The following QSER1 variants were observed in gnomAD, a reference collection of about 807,000 sequenced individuals.
QSER1 encodes glutamine and serine-rich protein 1.
Under a neutral mutation model 158.5 loss-of-function variants are expected in QSER1, and 49 were observed. The observed-to-expected ratio is 0.31, with a 90% CI of 0.25 to 0.39. The LOEUF is 0.39. Ranked by LOEUF, QSER1 falls within the 10% of genes least tolerant of loss-of-function variation. QSER1 has a pLI of 1.00. For synonymous variants in QSER1, 650 were observed against 715.5 expected (o/e 0.91, Z 1.46); for missense variants, 1,754 against 2,010.3 (o/e 0.87, Z 2.44).
chr11:32,970,466 G>A (rs1852831609), intron 10 of QSER1, among the ~76,000 whole-genome samples: 1 of 152,132 alleles, frequency 6.6e-6, no homozygotes, highest in Non-Finnish European at 1.5e-5. Flanking sequence ...GTCTAGTGGT[G>A]TGATCTCAGC....
rs1196656021 is a variant in QSER1 at position 32,944,048 on chromosome 11, A to G, written c.4177+8613A>G. On this transcript the variant is annotated intron_variant, in intron 4 of 12. Transcript: ENST00000650167. ...AGAGGTGTTTGTAGTATTCTCTGATAGTAGTTTGTATTTCTGTGGGATTGG... is the reference window on the plus strand; with the variant it reads ...AGAGGTGTTTGTAGTATTCTCTGATGGTAGTTTGTATTTCTGTGGGATTGG... Among the ~76,000 whole-genome samples, 24 of 151,882 alleles carry G rather than the reference A, an allele frequency of 1.6e-4. No homozygotes were observed. In the South Asian group the frequency reaches 1.9e-3, roughly 12 times the overall value.
intron 4 of QSER1, among the ~76,000 whole-genome samples, chr11:32,952,952 A>G (rs1184649915): frequency 6.6e-6 from 1 of 151,406 alleles, no homozygotes; most frequent in Non-Finnish European, 1.5e-5. Context: ...AAAGGCGCGC[A>G]CCACCACGCC....
chr11:32,942,550 C>T (rs1286410954), intron 4 of QSER1, among the ~76,000 whole-genome samples: 2 of 151,694 alleles, frequency 1.3e-5, no homozygotes, highest in East Asian at 1.9e-4. Flanking sequence ...TGTAGATGTG[C>T]GGCATTATTT....
chr11:32,903,469 C>T, intron 1 of QSER1, among the ~76,000 whole-genome samples: 1 of 150,644 alleles, frequency 6.6e-6, no homozygotes, highest in African/African-American at 2.5e-5. Context: ...GGAGGCGTTG[C>T]AGATTTACAA....
In QSER1 at chr11:32,935,473, C is replaced by A. The variant is rs771073602; in HGVS notation, c.4177+38C>A. 7.8e-6 allele frequency: 11 copies of A among 1,412,962 alleles called. No homozygotes were observed. The African/African-American group carries it at 1.6e-4, about 20-fold the overall frequency. 87.5% of individuals were successfully genotyped at this position (1,412,962 alleles called of 1,614,324 possible). On this transcript the variant is annotated intron_variant, in intron 4 of 12. Transcript: ENST00000650167. ...AATTTAGATTCATAATTATTACTTT[C>A]TTCTATTTTTCCAGCTATAGCCCAC...
intron 1 of QSER1, among the ~76,000 whole-genome samples, chr11:32,920,059 T>C (rs562861090): frequency 6.6e-6 from 1 of 152,340 alleles, no homozygotes; most frequent in African/African-American, 2.4e-5. Flanking sequence ...GAATCAGCCA[T>C]TTCTCCAAGG....
intron 1 of QSER1, among the ~76,000 whole-genome samples, chr11:32,906,512 C>T (rs1427847186): frequency 1.3e-5 from 2 of 152,126 alleles, no homozygotes; most frequent in Non-Finnish European, 2.9e-5. Flanking sequence ...GATCCTCCCA[C>T]CTCAGCCTCC....
At chr11:32,919,969 C>T (rs1342301527) in intron 1 of QSER1, among the ~76,000 whole-genome samples, 1 of 152,124 alleles carries the variant, frequency 6.6e-6, no homozygotes, top group African/African-American at 2.4e-5. Context: ...TTTCTGCCCC[C>T]TTTCTTTTTA....
intron 10 of QSER1, 133 bp from the exon 11 acceptor site, chr11:32,973,263 AG>A: frequency 1.2e-6 from 1 of 844,626 alleles, no homozygotes; most frequent in Non-Finnish European, 1.9e-6. Context: ...CTCTGCAAAT[AG>A]GTGTTTGTGT....
At chr11:32,955,903 G>T in intron 6 of QSER1, 85 bp from the exon 7 acceptor site, 1 of 1,262,676 alleles carries the variant, frequency 7.9e-7, no homozygotes, top group South Asian at 1.5e-5. Context: ...TTGAAGGTTG[G>T]CTATGGGATA....
chr11:32,928,142 A>C lies in QSER1; in HGVS notation c.484+19A>C. 6.8e-7 allele frequency: 1 copy of C among 1,479,490 alleles called. No individual in the cohort carries two copies. The highest frequency in any genetic ancestry group is 9.5e-7 in the Non-Finnish European group (1 of 1,057,902). 91.6% of individuals were successfully genotyped at this position (1,479,490 alleles called of 1,614,324 possible). A position where few individuals can be genotyped will look rare whatever the true frequency, so the allele number is the denominator to read the frequency against. On this transcript the variant is annotated intron_variant, in intron 3 of 12. Transcript: ENST00000650167. Reference sequence around the variant, plus strand: ...CAGACAGGTGATTTTCTGTTTCTAGAATTTTTAAGTCCTATAAAAATGCTG... The same window carrying C: ...CAGACAGGTGATTTTCTGTTTCTAGCATTTTTAAGTCCTATAAAAATGCTG...
At chr11:32,966,578 C>A in intron 9 of QSER1, 141 bp downstream of exon 9, 1 of 674,804 alleles carries the variant, frequency 1.5e-6, no homozygotes, top group Non-Finnish European at 2.2e-6. Context: ...CATCTTAATT[C>A]CATAAAATGG....
rs1375324241 is a variant in QSER1, at chr11:32,962,795, A to T, written c.4970-3505A>T. Among the ~76,000 whole-genome samples, 4 of 152,160 alleles carry T rather than the reference A, an allele frequency of 2.6e-5. No homozygotes were observed. The East Asian group carries it at 7.7e-4, about 29-fold the overall frequency. On this transcript the variant is annotated intron_variant, in intron 8 of 12. Coordinates refer to ENST00000650167, the MANE Select transcript of QSER1 (RefSeq NM_001076786.3). ...ACTCTAATTTTCACTTGAAATCTCA[A>T]ATTTTATCATTGGCAACAAATACCA...
chr11:32,966,488 A>C, intron 9 of QSER1, 51 bp downstream of exon 9: 1 of 1,555,468 alleles, frequency 6.4e-7, no homozygotes, highest in Non-Finnish European at 8.7e-7. Context: ...GGAATTAAAA[A>C]AAGAAATCTT....
chr11:32,956,502 TATTG>T (rs1406249463), intron 7 of QSER1, among the ~76,000 whole-genome samples: 2 of 151,152 alleles, frequency 1.3e-5, no homozygotes, highest in South Asian at 4.1e-4. Flanking sequence ...TTAAAATAAT[TATTG>T]ATAAAAAAAC....
In QSER1 at chr11:32,933,651, T is replaced by A; in HGVS notation, c.2393T>A (p.Ile798Lys). The A allele has an allele frequency of 6.2e-7, 1 of 1,613,562 alleles. No homozygotes were observed. The highest frequency in any genetic ancestry group is 8.5e-7 in the Non-Finnish European group (1 of 1,179,804). Residue 798 changes from isoleucine (I) to lysine (K), a missense_variant, in exon 4 of 13, where the codon ATA becomes AAA. Coordinates refer to ENST00000650167, the MANE Select transcript of QSER1 (RefSeq NM_001076786.3). ...ACTAATTTAATACAGACTCCACAAA[T>A]AAGGTTGAATACTAAAGACTTAAAG... ...NSTNLIQTPQIRLNTKDLKQQ... is the reference protein window; with the variant it reads ...NSTNLIQTPQKRLNTKDLKQQ...
rs375985842 is a variant in QSER1 at position 32,964,717 on chromosome 11, C to CATATATATATATAT, written c.4970-1573_4970-1560dup. Among the ~76,000 whole-genome samples the CATATATATATATAT allele has an allele frequency of 1.4e-3, 87 of 64,188 alleles. 1 individual carries two copies. The highest frequency in any genetic ancestry group is 2.2e-3 in the Admixed American group (10 of 4,454). 42.1% of individuals were successfully genotyped at this position (64,188 alleles called of 152,430 possible). On this transcript the variant is annotated intron_variant, in intron 8 of 12. Transcript: ENST00000650167. The stretch of plus-strand genomic sequence containing the variant: ...TATCTCTAAGAAAAAAAAAAAACAC[C>CATATATATATATAT]ATATATATATATATATATATATACA...
rs1302883096 is a variant in QSER1 at position 32,955,337 on chromosome 11, A to G, written c.4542A>G (p.Lys1514=). 1.3e-6 allele frequency: 2 copies of G among 1,599,714 alleles called. No individual in the cohort carries two copies. Among genetic ancestry groups the G allele is most frequent in the South Asian group, 1.1e-5 (1 of 87,628 alleles). The change falls in exon 6 of 13, where the codon AAA becomes AAG. Residue 1514 remains lysine, a synonymous_variant. Coordinates refer to ENST00000650167, the MANE Select transcript of QSER1 (RefSeq NM_001076786.3). ...KTGKEPPAIW[K]VQKALLQKFV... is the part of the protein sequence containing the mutation. ...GAAAAGAACCTCCAGCTATTTGGAA[A>G]GTACAAAAAGCTTTATTACAGAAAT...
chr11:32,896,015 A>T (rs1031274517), intron 1 of QSER1, among the ~76,000 whole-genome samples: 3 of 152,234 alleles, frequency 2.0e-5, no homozygotes, highest in Non-Finnish European at 4.4e-5. Flanking sequence ...AAGTACAGGG[A>T]TAAGGACTGG....
Sources: allele counts gnomAD v4.1 joint callset (sites outside exome capture counted in the v4.1 genomes callset), GRCh38; gene constraint gnomAD v4.1.1; transcripts MANE v1.5; gene names NCBI Gene and HGNC (gene_info 2026-07-23, HGNC 2026-07-21).